HIVEP1: variants seen among roughly 807,000 people sequenced by gnomAD.
HIVEP1 encodes HIVEP zinc finger 1, also known as zinc finger protein 40.
HIVEP1 carries 36 observed loss-of-function variants against 180.0 expected under a neutral mutation model. The observed-to-expected ratio is 0.20, with a 90% CI of 0.15 to 0.26. The LOEUF (loss-of-function observed/expected upper bound fraction) is 0.26, where lower values mean the gene tolerates loss of function less well. HIVEP1 is among the 10% of genes least tolerant of loss of function. The probability of loss-of-function intolerance (pLI) is 1.00; values close to 1 mark genes in which losing one functional copy is unlikely to be tolerated. For missense variants in HIVEP1, 3,143 were observed against 3,268.7 expected (o/e 0.96, Z 0.94); for synonymous variants, 1,239 against 1,239.0 (o/e 1.00, Z 0.00).
chr6:12,136,070 A>G (rs1390086349), intron 7 of HIVEP1, among the ~76,000 whole-genome samples, 178 bp downstream of exon 7: 1 of 151,754 alleles, frequency 6.6e-6, no homozygotes. Flanking sequence ...CCTCCTTCCT[A>G]TTCATCTATC....
At chr6:12,056,842 T>G (rs1231768040) in intron 2 of HIVEP1, among the ~76,000 whole-genome samples, 1 of 151,436 alleles carries the variant, frequency 6.6e-6, no homozygotes, top group Non-Finnish European at 1.5e-5. Flanking sequence ...TTTTTGTTTT[T>G]GTTTTTTTTT....
chr6:12,121,363 C>T lies in HIVEP1; in HGVS notation c.1568C>T (p.Ser523Leu). 6.2e-7 allele frequency: 1 copy of T among 1,614,102 alleles called. No individual in the cohort carries two copies. The highest frequency in any genetic ancestry group is 8.5e-7 in the Non-Finnish European group (1 of 1,180,008). Residue 523 changes from serine (S) to leucine (L), a missense_variant, in exon 4 of 9, where the codon TCA becomes TTA. Physicochemically the swap from Ser to Leu is moderately radical, Grantham distance 145. Around this residue, in one of 12 missense-constraint regions of HIVEP1, gnomAD observed 365 missense variants for 344.4 expected, o/e 1.06. Transcript: ENST00000379388. The surrounding 1 kb of genome is among the most constrained non-coding windows in gnomAD (Gnocchi z 5.3). ...CCTGTGCACATAATAAAGAGGATGT[C>T]AAATGCTGAAACTTTACTAAAATCA... ...LQPVHIIKRM[S>L]NAETLLKSSF...
intron 2 of HIVEP1, among the ~76,000 whole-genome samples, chr6:12,018,512 A>G (rs1001589509): frequency 3.9e-5 from 6 of 152,258 alleles, no homozygotes; most frequent in African/African-American, 1.4e-4. Flanking sequence ...CGAAAGAAGA[A>G]TGGAGTTGAA....
rs375281152 is a variant in HIVEP1, at chr6:12,125,581, A to G, written c.5786A>G (p.Gln1929Arg). 2.4e-5 allele frequency: 39 copies of G among 1,614,118 alleles called. No individual in the cohort carries two copies. The highest frequency in any genetic ancestry group is 3.1e-5 in the Non-Finnish European group (37 of 1,180,048). The stretch of plus-strand genomic sequence containing the variant: ...TCATTGTTTAACATCAAGGACACCC[A>G]GCAGCTGGCTTTCCCTAGCCTGAAA... ...SLSLFNIKDT[Q>R]QLAFPSLKTT... Residue 1929 changes from glutamine to arginine, a missense_variant, in exon 4 of 9, where the codon CAG becomes CGG. Physicochemically the swap from Gln to Arg is conservative, Grantham distance 43 (BLOSUM62 1). Transcript: ENST00000379388.
chr6:12,123,863 TC>T lies in HIVEP1; in HGVS notation c.4070del (p.Pro1357LeufsTer7), dbSNP rs1382274270. 6.2e-7 allele frequency: 1 copy of T among 1,614,172 alleles called. No homozygotes were observed. The highest frequency in any genetic ancestry group is 1.7e-5 in the Admixed American group (1 of 60,026). ...CAGCTGGCTTGAATACTCTGAATGTTCCTGGATGTCACCGGGAAATGAGGCG... is the reference window on the plus strand; with the variant it reads ...CAGCTGGCTTGAATACTCTGAATGTTCTGGATGTCACCGGGAAATGAGGCG... ...IPAGLNTLNV[P>X]GCHREMRRTA... On this transcript the variant is annotated frameshift_variant, in exon 4 of 9. Transcript: ENST00000379388. LOFTEE classifies it high-confidence loss of function.
chr6:12,178,948 G>T, the HIVEP1 span, among the ~76,000 whole-genome samples: 5 of 152,194 alleles, frequency 3.3e-5, no homozygotes, highest in Non-Finnish European at 7.4e-5. Context: ...GGATCTCCAA[G>T]ACATGTTTTG....
chr6:12,129,235 GA>G (rs1348456642), intron 4 of HIVEP1, among the ~76,000 whole-genome samples: 2 of 152,134 alleles, frequency 1.3e-5, no homozygotes, highest in Non-Finnish European at 2.9e-5. Context: ...TAAAATAATG[GA>G]GGAAGAAAAA....
intron 2 of HIVEP1, among the ~76,000 whole-genome samples, chr6:12,040,584 C>T (rs1769613641): frequency 6.6e-6 from 1 of 152,116 alleles, no homozygotes; most frequent in African/African-American, 2.4e-5. Context: ...TTGTGAAACA[C>T]CCAATTCTGA....
At chr6:12,035,772 A>G (rs1769239309) in intron 2 of HIVEP1, among the ~76,000 whole-genome samples, 1 of 152,238 alleles carries the variant, frequency 6.6e-6, no homozygotes, top group African/African-American at 2.4e-5. Flanking sequence ...TAGAAAATCA[A>G]TATATAGAAA....
At chr6:12,193,033 T>C in the HIVEP1 span, among the ~76,000 whole-genome samples, 2 of 152,154 alleles carry the variant, frequency 1.3e-5, no homozygotes, top group African/African-American at 4.8e-5. Flanking sequence ...GGGATAATAA[T>C]AGTGGTAATT....
chr6:12,107,472 C>G (rs1489302080), intron 3 of HIVEP1, among the ~76,000 whole-genome samples: 1 of 152,134 alleles, frequency 6.6e-6, no homozygotes, highest in African/African-American at 2.4e-5. Context: ...GTTGCTGTGT[C>G]CAGAATTGGT....
At chr6:12,165,354 C>T (rs1760673330), downstream of HIVEP1, among the ~76,000 whole-genome samples, 1 of 152,160 alleles carries the variant, frequency 6.6e-6, no homozygotes. Context: ...TAGAATTTGG[C>T]TCAGATGAGA....
chr6:12,178,177 A>G, the HIVEP1 span, among the ~76,000 whole-genome samples: 3 of 152,230 alleles, frequency 2.0e-5, no homozygotes, highest in African/African-American at 7.2e-5. Context: ...TAAAAACTAA[A>G]TTGGAGGAAA....
At chr6:12,193,854 C>T in the HIVEP1 span, among the ~76,000 whole-genome samples, 24 of 152,336 alleles carry the variant, frequency 1.6e-4, no homozygotes, top group South Asian at 6.2e-4. Context: ...CTACTTCAAA[C>T]TGGCTCAGTT....
chr6:12,191,014 CA>C, the HIVEP1 span, among the ~76,000 whole-genome samples: 3 of 151,908 alleles, frequency 2.0e-5, no homozygotes, highest in African/African-American at 7.3e-5. Flanking sequence ...GCACAGCTGG[CA>C]TATGCATATT....
intron 2 of HIVEP1, among the ~76,000 whole-genome samples, chr6:12,076,966 T>A (rs1343973207): frequency 6.6e-6 from 1 of 152,062 alleles, no homozygotes; most frequent in Admixed American, 6.5e-5. Context: ...TTACCTAGAG[T>A]AAGTTTTCCG....
At chr6:12,037,719 T>A (rs1416022733) in intron 2 of HIVEP1, 2 of 408,500 alleles carry the variant, frequency 4.9e-6, no homozygotes, top group Non-Finnish European at 8.7e-6. Flanking sequence ...TTCCTTTTTT[T>A]TTGTAGGGTC....
Position 12,095,235 on chromosome 6 carries a change from C to T in HIVEP1, c.94+5998C>T, listed in dbSNP as rs59031135. 5.8e-3 allele frequency among the ~76,000 whole-genome samples: 884 copies of T among 151,888 alleles called. 6 individuals are homozygous for T. The highest frequency in any genetic ancestry group is 0.02 in the African/African-American group (847 of 41,498). ...TTTCATGATACTTTCTTGCCTCATC[C>T]TTTTTAGTTTCATTAAATTTTGTTC... On this transcript the variant is annotated intron_variant, in intron 3 of 8. Coordinates refer to ENST00000379388, the MANE Select transcript of HIVEP1 (RefSeq NM_002114.4).
At chr6:12,059,706 C>A (rs974543445) in intron 2 of HIVEP1, among the ~76,000 whole-genome samples, 1 of 152,074 alleles carries the variant, frequency 6.6e-6, no homozygotes, top group East Asian at 1.9e-4. Context: ...CTGAGATTCA[C>A]CTCTAGTCCC....
Sources: gnomAD v4.1 joint callset for allele counts (sites outside exome capture counted in the v4.1 genomes callset) on GRCh38, gnomAD v4.1.1 for gene constraint, gnomAD v4.1.1 regional missense constraint, Gnocchi (gnomAD v3.1) non-coding constraint, MANE v1.5 for transcripts, NCBI Gene and HGNC (gene_info 2026-07-23, HGNC 2026-07-21) for gene names.